The following ARHGAP17 variants were observed in gnomAD, a reference collection of about 807,000 sequenced individuals.
The protein encoded by ARHGAP17 is rho GTPase-activating protein 17.
ARHGAP17 carries 57 observed loss-of-function variants against 99.5 expected under a neutral mutation model. The observed-to-expected ratio is 0.57, with a 90% confidence interval of 0.46 to 0.71. ARHGAP17 has a LOEUF of 0.71. ARHGAP17 is among the 30% of genes least tolerant of loss of function. The probability of loss-of-function intolerance (pLI) is 0.00; values close to 1 mark genes in which losing one functional copy is unlikely to be tolerated. For missense variants in ARHGAP17, 1,000 were observed against 1,122.4 expected, an observed-to-expected ratio of 0.89 and a Z score of 1.56; for synonymous variants, 417 against 429.6, an observed-to-expected ratio of 0.97 and a Z score of 0.36.
chr16:24,970,622 TA>T (rs2052334625), intron 3 of ARHGAP17, 42 bp from the exon 4 acceptor site: 25 of 1,527,994 alleles, frequency 1.6e-5, no homozygotes, highest in Non-Finnish European at 2.2e-5. Flanking sequence ...CATTATTTGA[TA>T]CCCATTCTCA....
chr16:24,921,351 T>C (rs148381944), intron 19 of ARHGAP17, among the ~76,000 whole-genome samples: 35 of 152,296 alleles, frequency 2.3e-4, no homozygotes, highest in African/African-American at 6.7e-4. Flanking sequence ...TTTGCTGCGT[T>C]AGAGGTAGCC....
intron 4 of ARHGAP17, 100 bp from the exon 5 acceptor site, chr16:24,968,872 T>A: frequency 9.6e-7 from 1 of 1,039,354 alleles, no homozygotes; most frequent in Non-Finnish European, 1.5e-6. Context: ...AGGAACGCAT[T>A]AGGGTGCTAC....
chr16:24,925,793 C>T (rs188641573), intron 19 of ARHGAP17, among the ~76,000 whole-genome samples: 2 of 152,198 alleles, frequency 1.3e-5, no homozygotes, highest in East Asian at 3.9e-4. Context: ...TGCTCATGTA[C>T]CTCCTTGCCT....
intron 7 of ARHGAP17, among the ~76,000 whole-genome samples, chr16:24,961,518 A>AATT (rs1567232776): frequency 1.2e-5 from 1 of 81,502 alleles, no homozygotes; most frequent in Non-Finnish European, 2.3e-5. Context: ...AAAAAAAAAA[A>AATT]TTTTTTTTTT....
chr16:24,944,388 C>G (rs1337918451), intron 14 of ARHGAP17, among the ~76,000 whole-genome samples: 5 of 152,012 alleles, frequency 3.3e-5, no homozygotes, highest in Admixed American at 6.5e-5. Context: ...ATAACAACCA[C>G]AGTGTCTGCT....
At chr16:24,974,827 T>C (rs1278178332) in intron 3 of ARHGAP17, among the ~76,000 whole-genome samples, 1 of 152,072 alleles carries the variant, frequency 6.6e-6, no homozygotes, top group Non-Finnish European at 1.5e-5. Flanking sequence ...ACTTTCTAAT[T>C]AGGCAGTTAT....
At chr16:24,976,468 G>A (rs760705416) in intron 3 of ARHGAP17, among the ~76,000 whole-genome samples, 1 of 152,084 alleles carries the variant, frequency 6.6e-6, no homozygotes, top group Non-Finnish European at 1.5e-5. Flanking sequence ...GTTTGAGGCT[G>A]CAGTGAGCTG....
chr16:24,968,767 A>C lies in ARHGAP17; in HGVS notation c.278T>G (p.Met93Arg). The C allele has an allele frequency of 6.2e-7, 1 of 1,614,166 alleles. No homozygotes were observed. ...CTCAGCATCTCCACACGTCTCCAGC[A>C]TCTTCCTTTAAAAACAAGACCCCCA... ...TQLEDSLLGK[M>R]LETCGDAENQ... Residue 93 changes from methionine (M) to arginine (R), a missense_variant, in exon 5 of 20, where the codon ATG becomes AGG. By Grantham distance (91) the Met-to-Arg change is moderately conservative. Transcript: ENST00000289968.
intron 1 of ARHGAP17, among the ~76,000 whole-genome samples, chr16:24,993,486 G>T (rs1250334471): frequency 3.3e-5 from 5 of 151,988 alleles, no homozygotes; most frequent in African/African-American, 9.7e-5. Flanking sequence ...CTACTCAGGA[G>T]GCTGAGGGAG....
intron 1 of ARHGAP17, among the ~76,000 whole-genome samples, chr16:24,998,411 G>A (rs1317727325): frequency 6.6e-6 from 1 of 151,996 alleles, no homozygotes; most frequent in Non-Finnish European, 1.5e-5. Flanking sequence ...TTGGACAGAG[G>A]GTGGGGTCCA....
At chr16:24,987,601 T>G (rs1277710996) in intron 1 of ARHGAP17, among the ~76,000 whole-genome samples, 1 of 152,106 alleles carries the variant, frequency 6.6e-6, no homozygotes, top group Non-Finnish European at 1.5e-5. Flanking sequence ...GGCTCATCTT[T>G]CTACCACCAA....
At chr16:24,999,294 T>C (rs1439186139) in intron 1 of ARHGAP17, among the ~76,000 whole-genome samples, 1 of 152,250 alleles carries the variant, frequency 6.6e-6, no homozygotes, top group African/African-American at 2.4e-5. Context: ...TTCACCTCTG[T>C]AGTGGTTGCT....
intron 1 of ARHGAP17, among the ~76,000 whole-genome samples, chr16:25,001,680 A>G (rs1011094906): frequency 4.6e-4 from 70 of 152,116 alleles, no homozygotes; most frequent in African/African-American, 1.7e-3. Context: ...TCAGCTTTCC[A>G]AAGTGCTGGG....
At chr16:25,013,987 G>C (rs1314073805) in intron 1 of ARHGAP17, 1 of 152,112 alleles carries the variant, frequency 6.6e-6, no homozygotes. Flanking sequence ...GGTTTGTCTG[G>C]GCTTTAGGGG....
intron 18 of ARHGAP17, among the ~76,000 whole-genome samples, chr16:24,932,719 C>T (rs770354845): frequency 1.2e-4 from 18 of 152,054 alleles, no homozygotes; most frequent in African/African-American, 4.1e-4. Context: ...CCTCCCTACA[C>T]CAGCTGAGAT....
intron 19 of ARHGAP17, among the ~76,000 whole-genome samples, chr16:24,928,057 T>C (rs1393086337): frequency 6.6e-6 from 1 of 152,228 alleles, no homozygotes; most frequent in Non-Finnish European, 1.5e-5. Context: ...CAGGAATTTG[T>C]CCATCTAAAG....
chr16:24,934,014 G>A (rs1160804615), intron 18 of ARHGAP17, among the ~76,000 whole-genome samples: 2 of 152,180 alleles, frequency 1.3e-5, no homozygotes, highest in African/African-American at 4.8e-5. Flanking sequence ...CAGAGAGGCA[G>A]CCTGAAGAAG....
chr16:24,968,626 C>G, intron 5 of ARHGAP17, 35 bp downstream of exon 5: 1 of 1,608,768 alleles, frequency 6.2e-7, no homozygotes, highest in Non-Finnish European at 8.5e-7. Context: ...CCACACCACT[C>G]TCGGCTCTTC....
intron 1 of ARHGAP17, among the ~76,000 whole-genome samples, chr16:24,993,787 G>A (rs2053119085): frequency 6.6e-6 from 1 of 152,134 alleles, no homozygotes; most frequent in Non-Finnish European, 1.5e-5. Flanking sequence ...GCTATGTTCT[G>A]ACCCTAACTC....
Sources: allele counts gnomAD v4.1 joint callset (sites outside exome capture counted in the v4.1 genomes callset), GRCh38; gene constraint gnomAD v4.1.1; transcripts MANE v1.5; gene names NCBI Gene and HGNC (gene_info 2026-07-23, HGNC 2026-07-21).